Variants in RNF121 observed in about 807,000 individuals in gnomAD.
RNF121 encodes ring finger protein 121.
RNF121 carries 21 observed loss-of-function variants against 46.5 expected under a neutral mutation model. The ratio of observed to expected loss-of-function variants is 0.45; its 90% confidence interval spans 0.32 to 0.65. The LOEUF (loss-of-function observed/expected upper bound fraction) is 0.65. Among genes scored for constraint, RNF121 ranks in the 30% least tolerant of loss-of-function variants. The pLI is 0.04. For synonymous variants in RNF121, 139 were observed against 144.7 expected, an observed-to-expected ratio of 0.96 and a Z score of 0.28; for missense variants, 346 against 416.0, an observed-to-expected ratio of 0.83 and a Z score of 1.46.
At position 71,929,105 on chromosome 11, in the gene RNF121, G is replaced by A; in HGVS notation, c.44G>A (p.Gly15Glu). 6.4e-7 allele frequency: 1 copy of A among 1,551,826 alleles called. No homozygotes were observed. The highest frequency in any genetic ancestry group is 8.7e-7 in the Non-Finnish European group (1 of 1,147,142). The change falls in exon 1 of 9, where the codon GGG (glycine) becomes GAG (glutamate). Residue 15 changes from glycine to glutamate, a missense_variant. By Grantham distance (98) the Gly-to-Glu change is moderately conservative. This residue lies in a region of RNF121 where 60 missense variants were observed against 32.2 expected (regional missense o/e 1.86). Coordinates refer to ENST00000361756, the MANE Select transcript of RNF121 (RefSeq NM_018320.5). The part of the protein sequence containing the change: ...VEVEVGGGAA[G>E]ERELDEVDMS... ...GTGGAGGTTGGAGGTGGTGCTGCTG[G>A]GGAACGGGAGCTGGATGAGGTAAGC...
At chr11:71,957,116 A>T in intron 1 of RNF121, 111 bp from the exon 2 acceptor site, 1 of 800,748 alleles carries the variant, frequency 1.2e-6, no homozygotes, top group Non-Finnish European at 2.3e-6. Context: ...AGATACTAAG[A>T]CTTGAAGCTT....
intron 3 of RNF121, among the ~76,000 whole-genome samples, chr11:71,972,248 G>C (rs1299560329): frequency 6.6e-6 from 1 of 152,124 alleles, no homozygotes; most frequent in African/African-American, 2.4e-5. Context: ...CTGGGGTGAG[G>C]AATAGTAATA....
intron 1 of RNF121, among the ~76,000 whole-genome samples, chr11:71,940,989 G>A (rs1017548258): frequency 6.6e-6 from 1 of 152,220 alleles, no homozygotes. Context: ...TTCTGGGACT[G>A]TACGCAGTTC....
At chr11:71,956,541 C>T (rs372354627) in intron 1 of RNF121, among the ~76,000 whole-genome samples, 1 of 152,174 alleles carries the variant, frequency 6.6e-6, no homozygotes, top group African/African-American at 2.4e-5. Context: ...ACTTTGAAGT[C>T]GGATGGCTAG....
intron 1 of RNF121, among the ~76,000 whole-genome samples, chr11:71,938,207 C>T (rs1416179631): frequency 6.6e-6 from 1 of 152,098 alleles, no homozygotes; most frequent in Non-Finnish European, 1.5e-5. Flanking sequence ...CATTTAGTGC[C>T]CTGCGAACAG....
intron 1 of RNF121, among the ~76,000 whole-genome samples, chr11:71,947,152 C>T (rs938570037): frequency 1.3e-5 from 2 of 152,098 alleles, no homozygotes; most frequent in Non-Finnish European, 2.9e-5. Flanking sequence ...GCTTGAGCCA[C>T]TGTGCCTGGC....
intron 1 of RNF121, among the ~76,000 whole-genome samples, chr11:71,947,515 G>C (rs1367418420): frequency 6.6e-6 from 1 of 151,584 alleles, no homozygotes; most frequent in Non-Finnish European, 1.5e-5. Flanking sequence ...CAGTGAAGGA[G>C]TGAAGGTGAG....
intron 5 of RNF121, 26 bp from the exon 6 acceptor site, chr11:71,990,571 T>C (rs1024956900): frequency 6.2e-7 from 1 of 1,612,644 alleles, no homozygotes; most frequent in Non-Finnish European, 8.5e-7. Flanking sequence ...GGGTGGGTCT[T>C]TCTAGCTCTA....
At chr11:71,945,222 C>T (rs1191830507) in intron 1 of RNF121, among the ~76,000 whole-genome samples, 1 of 152,192 alleles carries the variant, frequency 6.6e-6, no homozygotes, top group Non-Finnish European at 1.5e-5. Context: ...CTCCTGGCCT[C>T]AAGTGATCCT....
Position 71,996,467 on chromosome 11 carries a change from T to G in RNF121, c.*152T>G. Reference sequence around the variant, plus strand: ...CTGGCTGTGTCGGACTGGGGAGGGATATGATGGAGAGCCAGCCAGTGGGGC... The same window carrying G: ...CTGGCTGTGTCGGACTGGGGAGGGAGATGATGGAGAGCCAGCCAGTGGGGC... On this transcript the variant is annotated 3_prime_UTR_variant, in exon 9 of 9. Transcript: ENST00000361756. 1 of 845,862 alleles carries G rather than the reference T, an allele frequency of 1.2e-6. No homozygotes were observed. The highest frequency in any genetic ancestry group is 1.8e-6 in the Non-Finnish European group (1 of 563,846). The allele number at this position is 845,862 out of a possible 1,614,324, so 52.4% of individuals were successfully genotyped here.
intron 3 of RNF121, chr11:71,978,019 C>T: frequency 3.5e-6 from 1 of 282,806 alleles, no homozygotes; most frequent in Non-Finnish European, 7.1e-6. Flanking sequence ...ACATATTTAC[C>T]AAGCAAAATG....
At chr11:71,952,501 A>T (rs1325254162) in intron 1 of RNF121, among the ~76,000 whole-genome samples, 1 of 152,202 alleles carries the variant, frequency 6.6e-6, no homozygotes, top group Non-Finnish European at 1.5e-5. Context: ...TGGGATACAG[A>T]CTGATGTTAT....
chr11:71,959,393 A>G (rs958494687), intron 2 of RNF121, among the ~76,000 whole-genome samples: 1 of 152,180 alleles, frequency 6.6e-6, no homozygotes, highest in African/African-American at 2.4e-5. Context: ...TATTGTTTAT[A>G]ATTCATCCTT....
intron 1 of RNF121, among the ~76,000 whole-genome samples, chr11:71,946,963 G>T (rs1407989608): frequency 6.7e-6 from 1 of 150,036 alleles, no homozygotes; most frequent in African/African-American, 2.5e-5. Context: ...CGCTTCCTGG[G>T]TTCCAGCAAT....
chr11:71,973,063 G>T (rs1164143876), intron 3 of RNF121, among the ~76,000 whole-genome samples: 1 of 152,232 alleles, frequency 6.6e-6, no homozygotes, highest in East Asian at 1.9e-4. Context: ...GTGCATGCCT[G>T]TAATCCCAGC....
At chr11:71,935,197 T>G (rs1313661084) in intron 1 of RNF121, among the ~76,000 whole-genome samples, 1 of 152,162 alleles carries the variant, frequency 6.6e-6, no homozygotes, top group Non-Finnish European at 1.5e-5. Context: ...CCTCCCAAAG[T>G]GTTGGGATTA....
intron 6 of RNF121, among the ~76,000 whole-genome samples, chr11:71,992,630 A>G (rs1954886032): frequency 6.6e-6 from 1 of 152,188 alleles, no homozygotes; most frequent in African/African-American, 2.4e-5. Flanking sequence ...GGACTTAGAT[A>G]TAGTTTGGTT....
At chr11:71,966,765 A>G (rs1342197063) in intron 3 of RNF121, among the ~76,000 whole-genome samples, 1 of 152,038 alleles carries the variant, frequency 6.6e-6, no homozygotes, top group Non-Finnish European at 1.5e-5. Flanking sequence ...TTGGGATTAT[A>G]GCATGAGCCA....
chr11:71,980,434 C>T (rs1451420188), intron 3 of RNF121, among the ~76,000 whole-genome samples: 1 of 152,172 alleles, frequency 6.6e-6, no homozygotes, highest in East Asian at 1.9e-4. Context: ...GCAACCTCCA[C>T]CTCCCGGATT....
Sources: allele counts gnomAD v4.1 joint callset (sites outside exome capture counted in the v4.1 genomes callset), GRCh38; gene constraint gnomAD v4.1.1; regional missense constraint gnomAD v4.1.1; transcripts MANE v1.5; gene names NCBI Gene and HGNC (gene_info 2026-07-23, HGNC 2026-07-21).